SH3KBP1: variants seen among roughly 807,000 people sequenced by gnomAD.
The protein encoded by SH3KBP1 is SH3 domain-containing kinase-binding protein 1.
In SH3KBP1, 8 loss-of-function variants were observed where a neutral mutation model predicts 50.1. The observed-to-expected ratio is 0.16, with a 90% confidence interval of 0.09 to 0.29. SH3KBP1 has a LOEUF of 0.29. Ranked by LOEUF, SH3KBP1 falls within the 10% of genes least tolerant of loss-of-function variation. The pLI, the probability that SH3KBP1 is intolerant of heterozygous loss-of-function variation, is 1.00. For missense variants in SH3KBP1, 377 were observed against 535.2 expected (o/e 0.70, Z 2.92); for synonymous variants, 227 against 218.6 (o/e 1.04, Z -0.34).
chrX:19,648,139 T>C (rs1282657154), intron 6 of SH3KBP1: 5 of 366,834 alleles, frequency 1.4e-5, no homozygotes, highest in Admixed American at 2.6e-5. Flanking sequence ...TGCTACTAAA[T>C]GACTCAGTTC....
chrX:19,801,859 T>C (rs1453375453), intron 2 of SH3KBP1, among the ~76,000 whole-genome samples: 1 of 111,874 alleles, frequency 8.9e-6, no homozygotes, highest in Non-Finnish European at 1.9e-5. Flanking sequence ...GCGGATCCCT[T>C]GAGGTCAGGA....
At chrX:19,684,116 C>CTAAAAGTGTGACTGGGCACAGGA in intron 5 of SH3KBP1, 88 bp from the exon 6 acceptor site, 1 of 727,929 alleles carries the variant, frequency 1.4e-6, no homozygotes, top group Non-Finnish European at 2.1e-6. Flanking sequence ...GGAACCACCT[C>CTAAAAGTGTGACTGGGCACAGGA]TAAAAGTGTG....
chrX:19,858,276 G>A (rs1257924586), intron 1 of SH3KBP1, among the ~76,000 whole-genome samples: 1 of 111,591 alleles, frequency 9.0e-6, no homozygotes, highest in Non-Finnish European at 1.9e-5. Context: ...GTAAACCGGA[G>A]AATCATAAAG....
intron 3 of SH3KBP1, among the ~76,000 whole-genome samples, chrX:19,731,343 C>T (rs1019394444): frequency 8.9e-6 from 1 of 112,477 alleles, no homozygotes; most frequent in Non-Finnish European, 1.9e-5. Context: ...CATTCTCGCA[C>T]TCGCCATCGC....
At chrX:19,878,748 G>T (rs1378102500) in intron 1 of SH3KBP1, among the ~76,000 whole-genome samples, 2 of 110,586 alleles carry the variant, frequency 1.8e-5, no homozygotes, top group African/African-American at 6.6e-5. Context: ...TTTAAAAAAA[G>T]AAAGTTTTGG....
At chrX:19,787,900 G>A (rs998194056) in intron 2 of SH3KBP1, among the ~76,000 whole-genome samples, 1 of 111,536 alleles carries the variant, frequency 9.0e-6, no homozygotes, top group Non-Finnish European at 1.9e-5. Context: ...AGAAGCTGCC[G>A]GACGCAGGCA....
At chrX:19,640,657 G>A (rs1394200188) in intron 7 of SH3KBP1, among the ~76,000 whole-genome samples, 5 of 109,919 alleles carry the variant, frequency 4.5e-5, no homozygotes, top group Admixed American at 1.9e-4. Context: ...ACCTAAGGCC[G>A]ATTCACGCTG....
chrX:19,756,038 A>T (rs1173601251), intron 2 of SH3KBP1, among the ~76,000 whole-genome samples: 1 of 110,655 alleles, frequency 9.0e-6, no homozygotes, highest in African/African-American at 3.3e-5. Context: ...TCCTGGCCGA[A>T]TAAACCACTT....
chrX:19,718,345 A>G (rs1296531872), intron 3 of SH3KBP1, among the ~76,000 whole-genome samples: 1 of 111,917 alleles, frequency 8.9e-6, no homozygotes, highest in African/African-American at 3.3e-5. Context: ...CAACAGAGTA[A>G]GAGACTGTCT....
At chrX:19,650,747 T>G (rs1406565157) in intron 6 of SH3KBP1, among the ~76,000 whole-genome samples, 1 of 112,171 alleles carries the variant, frequency 8.9e-6, no homozygotes, top group South Asian at 3.7e-4. Context: ...CAAGTGCCCA[T>G]TCAGTGTGAG....
At chrX:19,692,947 C>G (rs2063334580) in intron 5 of SH3KBP1, among the ~76,000 whole-genome samples, 1 of 110,489 alleles carries the variant, frequency 9.1e-6, no homozygotes, top group Non-Finnish European at 1.9e-5. Context: ...TCTTGGCCTC[C>G]CAAAGTGCTG....
At chrX:19,781,672 C>G (rs965848822) in intron 2 of SH3KBP1, among the ~76,000 whole-genome samples, 1 of 108,945 alleles carries the variant, frequency 9.2e-6, no homozygotes, top group Non-Finnish European at 1.9e-5. Flanking sequence ...TCTAGAGAGA[C>G]AGCAGACAGC....
intron 1 of SH3KBP1, among the ~76,000 whole-genome samples, chrX:19,845,434 T>C (rs891967783): frequency 1.9e-5 from 2 of 103,368 alleles, no homozygotes; most frequent in Non-Finnish European, 2.0e-5. Context: ...GCCGAGATCA[T>C]GCCACTGCAC....
At chrX:19,609,393 T>C (rs1221882586) in intron 8 of SH3KBP1, among the ~76,000 whole-genome samples, 1 of 111,896 alleles carries the variant, frequency 8.9e-6, no homozygotes, top group Non-Finnish European at 1.9e-5. Flanking sequence ...TCCATCCCAC[T>C]TCAGGCATCC....
intron 6 of SH3KBP1, among the ~76,000 whole-genome samples, chrX:19,646,623 T>A (rs1711831167): frequency 1.8e-5 from 2 of 112,447 alleles, no homozygotes; most frequent in South Asian, 7.2e-4. Context: ...ATTCAAAAAC[T>A]GGCATGGTAG....
intron 12 of SH3KBP1, among the ~76,000 whole-genome samples, chrX:19,580,584 G>C (rs188124881): frequency 7.7e-4 from 86 of 111,839 alleles, no homozygotes; most frequent in African/African-American, 2.7e-3. Flanking sequence ...GGGAGCTTGG[G>C]AGAAATGCAA....
At chrX:19,559,482 A>G (rs923170314) in intron 13 of SH3KBP1, among the ~76,000 whole-genome samples, 1 of 104,609 alleles carries the variant, frequency 9.6e-6, no homozygotes, top group African/African-American at 3.5e-5. Flanking sequence ...ATGGGCCACC[A>G]CACCCACCTA....
At position 19,838,098 on chromosome X, in the gene SH3KBP1, C is replaced by CAACAAA. The variant is rs1556411513; in HGVS notation, c.5-1817_5-1816insTTTGTT. Among the ~76,000 whole-genome samples, 512 of 106,429 alleles carry CAACAAA rather than the reference C, an allele frequency of 4.8e-3. 17 individuals are homozygous for CAACAAA. Among genetic ancestry groups the CAACAAA allele is most frequent in the African/African-American group, 0.018 (486 of 26,624 alleles). The allele number at this position is 106,429 out of a possible 115,157, so 92.4% of individuals were successfully genotyped here. A position where few individuals can be genotyped will look rare whatever the true frequency, so the allele number is the denominator to read the frequency against. On this transcript the variant is annotated intron_variant, in intron 1 of 17. Transcript: ENST00000397821. ...ACAACAACAACAACAACAACAACAA[C>CAACAAA]AAACCAACTTCAATACACTGAGATA...
At chrX:19,684,303 C>T in intron 5 of SH3KBP1, among the ~76,000 whole-genome samples, 1 of 111,293 alleles carries the variant, frequency 9.0e-6, no homozygotes, top group Non-Finnish European at 1.9e-5. Context: ...TGAAATTCAC[C>T]CCTCTTTAGC....
Sources: gnomAD v4.1 joint callset for allele counts (sites outside exome capture counted in the v4.1 genomes callset) on GRCh38, gnomAD v4.1.1 for gene constraint, MANE v1.5 for transcripts, NCBI Gene and HGNC (gene_info 2026-07-23, HGNC 2026-07-21) for gene names.